The following EHMT1 variants were observed in gnomAD, a reference collection of about 807,000 sequenced individuals.
EHMT1 encodes euchromatic histone lysine methyltransferase 1.
A neutral mutation model predicts 147.2 loss-of-function variants in EHMT1; 15 were observed. The ratio of observed to expected loss-of-function variants is 0.10; its 90% CI spans 0.07 to 0.16. The LOEUF (loss-of-function observed/expected upper bound fraction) is 0.16, where lower values mean the gene tolerates loss of function less well. Among genes scored for constraint, EHMT1 ranks in the 10% least tolerant of loss-of-function variants. EHMT1 has a pLI of 1.00. For missense variants in EHMT1, 1,587 were observed against 1,772.4 expected, an observed-to-expected ratio of 0.90 and a Z score of 1.88; for synonymous variants, 795 against 709.6, an observed-to-expected ratio of 1.12 and a Z score of -1.91.
chr9:137,828,775 A>G lies in EHMT1; in HGVS notation c.3541-5574A>G, dbSNP rs1389980712. 2.0e-5 allele frequency among the ~76,000 whole-genome samples: 3 copies of G among 152,268 alleles called. No homozygotes were observed. The East Asian group carries it at 5.8e-4, about 29-fold the overall frequency. On this transcript the variant is annotated intron_variant, in intron 25 of 26. Transcript: ENST00000460843. This position sits in a 1 kb window ranked among gnomAD's most constrained non-coding sequence, Gnocchi z 5.3. ...AAAAATGAGAAGACCAGGAATAGCAAGTCCCCAGCCCTGGGGCCTCATGTC... is the reference window on the plus strand; with the variant it reads ...AAAAATGAGAAGACCAGGAATAGCAGGTCCCCAGCCCTGGGGCCTCATGTC...
At chr9:137,697,163 C>A (rs1359929609) in intron 1 of EHMT1, 2 of 361,304 alleles carry the variant, frequency 5.5e-6, no homozygotes, top group African/African-American at 2.2e-5. Context: ...CACTTGTAAT[C>A]CCAGCTACTT....
chr9:137,816,108 G>A, intron 23 of EHMT1, 46 bp downstream of exon 23: 1 of 1,517,276 alleles, frequency 6.6e-7, no homozygotes, highest in Non-Finnish European at 9.0e-7. Context: ...GCTCGTATTA[G>A]CACGTATTAG....
At chr9:137,642,776 T>C (rs1356350179) in intron 1 of EHMT1, among the ~76,000 whole-genome samples, 2 of 152,246 alleles carry the variant, frequency 1.3e-5, no homozygotes, top group Non-Finnish European at 2.9e-5. Context: ...TCAAATCATA[T>C]AGGAGAAAAA....
At chr9:137,657,515 TAAAAA>T (rs1285009419) in intron 1 of EHMT1, among the ~76,000 whole-genome samples, 1 of 150,428 alleles carries the variant, frequency 6.6e-6, no homozygotes, top group Non-Finnish European at 1.5e-5. Flanking sequence ...TTTTTTTTAA[TAAAAA>T]TTTTTTATTT....
chr9:137,703,265 C>T (rs1481394996), intron 1 of EHMT1, among the ~76,000 whole-genome samples: 1 of 152,214 alleles, frequency 6.6e-6, no homozygotes, highest in Non-Finnish European at 1.5e-5. Flanking sequence ...TCCCCATTGT[C>T]TTGGCTATTA....
At chr9:137,810,940 A>AT (rs1954427664) in intron 18 of EHMT1, among the ~76,000 whole-genome samples, 1 of 152,158 alleles carries the variant, frequency 6.6e-6, no homozygotes, top group Non-Finnish European at 1.5e-5. Flanking sequence ...ACCTCAGGTG[A>AT]TCTACCTGCC....
At chr9:137,784,118 G>T (rs1205790017) in intron 15 of EHMT1, 8 of 1,475,780 alleles carry the variant, frequency 5.4e-6, no homozygotes, top group African/African-American at 1.4e-5. Flanking sequence ...CTGCAGGCTG[G>T]GAAGCCCAAG....
chr9:137,771,808 C>T (rs866245631), intron 10 of EHMT1, among the ~76,000 whole-genome samples: 22 of 152,300 alleles, frequency 1.4e-4, no homozygotes, highest in South Asian at 6.2e-4. Context: ...GGGGCCCCAT[C>T]GGCAGACCTG....
intron 18 of EHMT1, among the ~76,000 whole-genome samples, chr9:137,810,176 G>A (rs375188685): frequency 2.7e-5 from 4 of 148,366 alleles, no homozygotes; most frequent in Admixed American, 2.7e-4. Context: ...GTCCGGAGGC[G>A]GTTCCGATGC....
At chr9:137,817,370 C>T in intron 23 of EHMT1, 69 bp from the exon 24 acceptor site, 5 of 1,584,048 alleles carry the variant, frequency 3.2e-6, no homozygotes, top group South Asian at 2.2e-5. Context: ...CACCAGCTGG[C>T]TTTTGCTGAC....
At chr9:137,827,612 G>T (rs1411034027) in intron 25 of EHMT1, among the ~76,000 whole-genome samples, 1 of 152,166 alleles carries the variant, frequency 6.6e-6, no homozygotes, top group Non-Finnish European at 1.5e-5. Flanking sequence ...GGGCTACAGG[G>T]ACCCCAAGCC....
rs986653617 is a variant in EHMT1, at chr9:137,760,028, G to T, written c.1501+2017G>T. ...CTCTTTCCCCGTTGCCTTGCTCTTGGGCCTGCCTTATTGAGGCTGAATGGC... is the reference window on the plus strand; with the variant it reads ...CTCTTTCCCCGTTGCCTTGCTCTTGTGCCTGCCTTATTGAGGCTGAATGGC... On this transcript the variant is annotated intron_variant, in intron 9 of 26. Coordinates refer to ENST00000460843, the MANE Select transcript of EHMT1 (RefSeq NM_024757.5). Among the ~76,000 whole-genome samples, 3 of 152,162 alleles carry T rather than the reference G, an allele frequency of 2.0e-5. No homozygotes were observed. The South Asian group carries it at 6.2e-4, about 32-fold the overall frequency.
intron 1 of EHMT1, among the ~76,000 whole-genome samples, chr9:137,654,394 A>G (rs1416553718): frequency 1.7e-5 from 2 of 117,026 alleles, no homozygotes; most frequent in African/African-American, 6.5e-5. Flanking sequence ...CCCCCCACCA[A>G]AAAAAAAAGA....
chr9:137,684,802 T>C (rs1280968148), intron 1 of EHMT1, among the ~76,000 whole-genome samples: 9 of 152,232 alleles, frequency 5.9e-5, no homozygotes, highest in Non-Finnish European at 1.3e-4. Flanking sequence ...ACAAAGCCAT[T>C]CTTTTACTGA....
At chr9:137,798,992 C>A (rs1953202892) in intron 17 of EHMT1, 78 bp downstream of exon 17, 1 of 1,211,212 alleles carries the variant, frequency 8.3e-7, no homozygotes, top group Admixed American at 1.8e-5. Context: ...CTCCTGGTCC[C>A]ACCCCCATTC....
chr9:137,833,358 G>A lies in EHMT1; in HGVS notation c.3541-991G>A, dbSNP rs190394585. On this transcript the variant is annotated intron_variant, in intron 25 of 26. Transcript: ENST00000460843. The stretch of plus-strand genomic sequence containing the variant: ...CCACCCACCCGCAGCTCGCCATGGC[G>A]GCCACCCACTCGGCCCAGTGTGCGC... 6.7e-4 allele frequency among the ~76,000 whole-genome samples: 102 copies of A among 152,314 alleles called. 1 individual carries two copies. The highest frequency in any genetic ancestry group is 1.2e-3 in the Non-Finnish European group (81 of 68,036).
At chr9:137,830,100 CT>C (rs899678086) in intron 25 of EHMT1, among the ~76,000 whole-genome samples, 129 of 139,164 alleles carry the variant, frequency 9.3e-4, no homozygotes, top group African/African-American at 2.5e-3. Flanking sequence ...TGGATTTTTA[CT>C]TTTTTTTTTT....
intron 3 of EHMT1, among the ~76,000 whole-genome samples, chr9:137,721,690 T>C (rs894098357): frequency 6.6e-6 from 1 of 151,886 alleles, no homozygotes; most frequent in African/African-American, 2.4e-5. Context: ...TGCACATTGC[T>C]TTGCTGTCGG....
intron 1 of EHMT1, among the ~76,000 whole-genome samples, chr9:137,678,324 G>A (rs920560544): frequency 6.6e-6 from 1 of 152,088 alleles, no homozygotes; most frequent in African/African-American, 2.4e-5. Flanking sequence ...TTTCCTGATC[G>A]CTGGGGGGAA....
Sources: allele counts gnomAD v4.1 joint callset (sites outside exome capture counted in the v4.1 genomes callset), GRCh38; gene constraint gnomAD v4.1.1; non-coding constraint Gnocchi (gnomAD v3.1); transcripts MANE v1.5; gene names NCBI Gene and HGNC (gene_info 2026-07-23, HGNC 2026-07-21).